PTPN3: variants seen among roughly 807,000 people sequenced by gnomAD.
PTPN3 encodes the protein protein tyrosine phosphatase non-receptor type 3.
In PTPN3, 96 loss-of-function variants were observed where a neutral mutation model predicts 132.7. The ratio of observed to expected loss-of-function variants is 0.72; its 90% CI spans 0.61 to 0.86. PTPN3 has a LOEUF of 0.86. PTPN3 is among the 40% of genes least tolerant of loss of function. The pLI, the probability that PTPN3 is intolerant of heterozygous loss-of-function variation, is 0.00. For synonymous variants in PTPN3, 398 were observed against 429.0 expected, an observed-to-expected ratio of 0.93 and a Z score of 0.89; for missense variants, 1,125 against 1,159.6, an observed-to-expected ratio of 0.97 and a Z score of 0.43.
At chr9:109,424,386 C>T (rs1843098288) in intron 12 of PTPN3, among the ~76,000 whole-genome samples, 1 of 152,200 alleles carries the variant, frequency 6.6e-6, no homozygotes, top group Non-Finnish European at 1.5e-5. Flanking sequence ...CTGACTTGTC[C>T]TCCCAAGCCA....
intron 14 of PTPN3, among the ~76,000 whole-genome samples, chr9:109,411,856 C>A (rs959371036): frequency 6.6e-6 from 1 of 152,168 alleles, no homozygotes; most frequent in Non-Finnish European, 1.5e-5. Flanking sequence ...CACAGCGATA[C>A]AGTAGGACAA....
chr9:109,434,718 T>A (rs1843905807), intron 9 of PTPN3, among the ~76,000 whole-genome samples: 1 of 152,180 alleles, frequency 6.6e-6, no homozygotes, highest in African/African-American at 2.4e-5. Flanking sequence ...TGAGGCTCAA[T>A]TTTTCTTCTT....
chr9:109,491,004 C>T (rs1454465444), intron 1 of PTPN3, among the ~76,000 whole-genome samples: 1 of 151,082 alleles, frequency 6.6e-6, no homozygotes, highest in Non-Finnish European at 1.5e-5. Flanking sequence ...TCGAGACCAG[C>T]ATCCAACATG....
intron 1 of PTPN3, among the ~76,000 whole-genome samples, chr9:109,486,406 G>C (rs559134912): frequency 2.0e-5 from 3 of 152,256 alleles, no homozygotes; most frequent in African/African-American, 4.8e-5. Flanking sequence ...AAGCAAAAGA[G>C]GCAAATGGGA....
chr9:109,406,381 C>T, intron 18 of PTPN3, 81 bp downstream of exon 18: 2 of 1,454,542 alleles, frequency 1.4e-6, no homozygotes, highest in Non-Finnish European at 1.9e-6. Context: ...TCAACATTTT[C>T]AAGAGCAGAT....
intron 19 of PTPN3, among the ~76,000 whole-genome samples, chr9:109,396,686 A>G (rs1840623679): frequency 6.6e-6 from 1 of 152,240 alleles, no homozygotes; most frequent in Non-Finnish European, 1.5e-5. Context: ...GGGGTTGCTA[A>G]GGAACAACTG....
the PTPN3 span, among the ~76,000 whole-genome samples, chr9:109,522,370 G>A: frequency 5.9e-5 from 9 of 152,296 alleles, no homozygotes; most frequent in African/African-American, 1.9e-4. Context: ...CTGGCCTGAT[G>A]GAGGATGATG....
intron 20 of PTPN3, 70 bp downstream of exon 20, chr9:109,391,401 C>T: frequency 6.7e-7 from 1 of 1,490,460 alleles, no homozygotes; most frequent in Non-Finnish European, 9.3e-7. Flanking sequence ...GAATACCAGA[C>T]AATCTGTTTT....
upstream of PTPN3, among the ~76,000 whole-genome samples, chr9:109,501,414 T>G (rs1405784945): frequency 6.6e-6 from 1 of 152,218 alleles, no homozygotes; most frequent in Admixed American, 6.5e-5. Flanking sequence ...AGAAGCTATA[T>G]GTCATCTAAT....
At chr9:109,533,526 C>T in the PTPN3 span, 1 of 1,599,950 alleles carries the variant, frequency 6.3e-7, no homozygotes, top group South Asian at 1.1e-5. Context: ...TGGGTCTCAC[C>T]TCGTTGATTT....
At chr9:109,452,083 C>A (rs1845288022) in intron 5 of PTPN3, among the ~76,000 whole-genome samples, 1 of 151,996 alleles carries the variant, frequency 6.6e-6, no homozygotes, top group Non-Finnish European at 1.5e-5. Context: ...TCCTGGCCAA[C>A]ATGGTGAAAC....
At chr9:109,518,304 G>A in the PTPN3 span, among the ~76,000 whole-genome samples, 2 of 152,222 alleles carry the variant, frequency 1.3e-5, no homozygotes, top group Admixed American at 6.5e-5. Flanking sequence ...TGAGGTTACA[G>A]AAAAGAACTC....
At chr9:109,461,443 C>A (rs961921261) in intron 2 of PTPN3, among the ~76,000 whole-genome samples, 1 of 152,142 alleles carries the variant, frequency 6.6e-6, no homozygotes, top group African/African-American at 2.4e-5. Flanking sequence ...AGACTGCTTC[C>A]ATTTTAATTA....
At chr9:109,517,096 C>T in the PTPN3 span, among the ~76,000 whole-genome samples, 1 of 152,150 alleles carries the variant, frequency 6.6e-6, no homozygotes, top group Non-Finnish European at 1.5e-5. Context: ...TGATTTGTTA[C>T]TTTGCCTGGC....
intron 14 of PTPN3, among the ~76,000 whole-genome samples, chr9:109,414,330 T>G (rs1485124430): frequency 6.6e-6 from 1 of 152,218 alleles, no homozygotes; most frequent in East Asian, 1.9e-4. Context: ...CAGGCCTGTG[T>G]GGGTCTGAGA....
chr9:109,403,498 ATTTCT>A (rs1366178123), intron 19 of PTPN3, among the ~76,000 whole-genome samples: 1 of 151,912 alleles, frequency 6.6e-6, no homozygotes, highest in African/African-American at 2.4e-5. Flanking sequence ...TTTTGGTGTT[ATTTCT>A]TTTATTACAG....
At chr9:109,416,176 C>G (rs1047384768) in intron 14 of PTPN3, among the ~76,000 whole-genome samples, 1 of 152,160 alleles carries the variant, frequency 6.6e-6, no homozygotes, top group Non-Finnish European at 1.5e-5. Flanking sequence ...GCAGGTGGAA[C>G]TGGGAACAGA....
At chr9:109,421,263 G>A (rs963019776) in intron 13 of PTPN3, among the ~76,000 whole-genome samples, 12 of 152,062 alleles carry the variant, frequency 7.9e-5, no homozygotes, top group Non-Finnish European at 1.6e-4. Context: ...CAATGAGGCC[G>A]TGTTCTCAGG....
At chr9:109,385,315 C>T (rs1334797510) in intron 22 of PTPN3, among the ~76,000 whole-genome samples, 5 of 152,162 alleles carry the variant, frequency 3.3e-5, no homozygotes, top group Non-Finnish European at 7.3e-5. Flanking sequence ...TTAGTGATCT[C>T]GGGCAAATTA....
Sources: allele counts gnomAD v4.1 joint callset (sites outside exome capture counted in the v4.1 genomes callset), GRCh38; gene constraint gnomAD v4.1.1; transcripts MANE v1.5; gene names NCBI Gene and HGNC (gene_info 2026-07-23, HGNC 2026-07-21).